Variants in ATG5 observed in about 807,000 individuals in gnomAD.
The protein encoded by ATG5 is autophagy related 5, also known as autophagy protein 5.
In ATG5, 14 loss-of-function variants were observed where a neutral mutation model predicts 36.5. The ratio of observed to expected loss-of-function variants is 0.38; its 90% CI spans 0.25 to 0.60. The LOEUF is 0.60. ATG5 is among the 20% of genes least tolerant of loss of function. The pLI is 0.60. For missense variants in ATG5, 195 were observed against 326.7 expected, an observed-to-expected ratio of 0.60 and a Z score of 3.11; for synonymous variants, 95 against 101.5, an observed-to-expected ratio of 0.94 and a Z score of 0.38.
chr6:106,234,013 A>G (rs182277871), intron 6 of ATG5, among the ~76,000 whole-genome samples: 2 of 152,312 alleles, frequency 1.3e-5, no homozygotes, highest in African/African-American at 4.8e-5. Flanking sequence ...GCATGCATGC[A>G]AATACTCATT....
chr6:106,219,403 C>A (rs575026268), intron 6 of ATG5, among the ~76,000 whole-genome samples: 3 of 152,220 alleles, frequency 2.0e-5, no homozygotes, highest in African/African-American at 7.2e-5. Flanking sequence ...ACATCTAACA[C>A]AGTCAGCCCT....
chr6:106,276,043 CACTA>C (rs2114592023), intron 5 of ATG5, among the ~76,000 whole-genome samples: 1 of 152,336 alleles, frequency 6.6e-6, no homozygotes, highest in Non-Finnish European at 1.5e-5. Flanking sequence ...AGTGACTTCT[CACTA>C]ACTCTTTTCA....
chr6:106,209,991 A>G (rs1776795548), intron 6 of ATG5, among the ~76,000 whole-genome samples: 1 of 152,228 alleles, frequency 6.6e-6, no homozygotes, highest in Non-Finnish European at 1.5e-5. Flanking sequence ...CCTGAATTGG[A>G]ATCCGCATTT....
intron 5 of ATG5, among the ~76,000 whole-genome samples, chr6:106,265,259 G>T (rs1779185096): frequency 6.6e-6 from 1 of 151,768 alleles, no homozygotes; most frequent in South Asian, 2.1e-4. Flanking sequence ...ACAAAGAAGG[G>T]CATGACATAA....
chr6:106,230,328 G>A (rs534918178), intron 6 of ATG5, among the ~76,000 whole-genome samples: 1 of 152,334 alleles, frequency 6.6e-6, no homozygotes, highest in Admixed American at 6.5e-5. Context: ...TTATGGGAAT[G>A]CATCTTGATG....
chr6:106,225,133 C>T (rs925244018), intron 6 of ATG5, among the ~76,000 whole-genome samples: 12 of 152,116 alleles, frequency 7.9e-5, no homozygotes, highest in African/African-American at 2.9e-4. Context: ...AAGGTATTAC[C>T]TCTAATTTTC....
intron 7 of ATG5, among the ~76,000 whole-genome samples, chr6:106,190,754 A>C: frequency 6.6e-6 from 1 of 152,166 alleles, no homozygotes; most frequent in East Asian, 1.9e-4. Flanking sequence ...AAAAAATAAG[A>C]AGAAAAAATA....
intron 6 of ATG5, among the ~76,000 whole-genome samples, chr6:106,230,136 T>A (rs926596025): frequency 6.6e-6 from 1 of 152,216 alleles, no homozygotes; most frequent in Non-Finnish European, 1.5e-5. Flanking sequence ...CAGTAATTGA[T>A]AGGGAGACTC....
At chr6:106,247,572 G>A (rs1466919531) in intron 6 of ATG5, among the ~76,000 whole-genome samples, 1 of 152,180 alleles carries the variant, frequency 6.6e-6, no homozygotes, top group Non-Finnish European at 1.5e-5. Context: ...GGGAATACAA[G>A]GTTATGTTTC....
chr6:106,235,101 C>T (rs572106146), intron 6 of ATG5, among the ~76,000 whole-genome samples: 5 of 152,300 alleles, frequency 3.3e-5, no homozygotes, highest in African/African-American at 1.2e-4. Flanking sequence ...TTCAAAAACA[C>T]CAGACCCTGG....
At chr6:106,313,009 T>C (rs1770709009) in intron 2 of ATG5, among the ~76,000 whole-genome samples, 1 of 152,066 alleles carries the variant, frequency 6.6e-6, no homozygotes, top group South Asian at 2.1e-4. Context: ...ATAGGAAGGA[T>C]TTATGACAAC....
At chr6:106,216,608 C>G (rs1777048118) in intron 6 of ATG5, among the ~76,000 whole-genome samples, 1 of 152,140 alleles carries the variant, frequency 6.6e-6, no homozygotes, top group Admixed American at 6.6e-5. Flanking sequence ...TGCCAATGGG[C>G]ATGGGGTTTC....
At chr6:106,279,359 G>T (rs1440216812) in intron 5 of ATG5, among the ~76,000 whole-genome samples, 2 of 152,176 alleles carry the variant, frequency 1.3e-5, no homozygotes, top group Admixed American at 1.3e-4. Context: ...CATGACTAAG[G>T]AATAAAGACC....
chr6:106,222,352 T>G (rs1777283801), intron 6 of ATG5, among the ~76,000 whole-genome samples: 1 of 152,222 alleles, frequency 6.6e-6, no homozygotes, highest in Non-Finnish European at 1.5e-5. Flanking sequence ...TGAAGTTATT[T>G]TATTCCTAAG....
chr6:106,231,472 C>G (rs914411385), intron 6 of ATG5, among the ~76,000 whole-genome samples: 3 of 152,154 alleles, frequency 2.0e-5, no homozygotes, highest in Admixed American at 6.5e-5. Flanking sequence ...AGAATCAGAA[C>G]ATGGAGATTG....
chr6:106,322,775 T>G (rs924105007), intron 1 of ATG5, among the ~76,000 whole-genome samples: 1 of 152,218 alleles, frequency 6.6e-6, no homozygotes, highest in Non-Finnish European at 1.5e-5. Context: ...ACATTTACAC[T>G]CCCACAGTTT....
At chr6:106,194,232 T>A (rs935252392) in intron 7 of ATG5, among the ~76,000 whole-genome samples, 5 of 152,212 alleles carry the variant, frequency 3.3e-5, no homozygotes, top group South Asian at 2.1e-4. Flanking sequence ...GAGTTTTTTT[T>A]ATTCCTGTGG....
chr6:106,273,100 C>T (rs1007413497), intron 5 of ATG5, among the ~76,000 whole-genome samples: 1 of 152,114 alleles, frequency 6.6e-6, no homozygotes, highest in African/African-American at 2.4e-5. Context: ...AAAAAGGAAG[C>T]TTATCCAATA....
At chr6:106,238,835 T>C (rs1172280930) in intron 6 of ATG5, among the ~76,000 whole-genome samples, 1 of 152,124 alleles carries the variant, frequency 6.6e-6, no homozygotes, top group Non-Finnish European at 1.5e-5. Flanking sequence ...TATTTTTTAA[T>C]AACCTGATAA....
Sources: allele counts gnomAD v4.1 joint callset (sites outside exome capture counted in the v4.1 genomes callset), GRCh38; gene constraint gnomAD v4.1.1; transcripts MANE v1.5; gene names NCBI Gene and HGNC (gene_info 2026-07-23, HGNC 2026-07-21).